MCTP2: variants seen among roughly 807,000 people sequenced by gnomAD.
MCTP2 encodes multiple C2 and transmembrane domain-containing protein 2.
In MCTP2, 132 loss-of-function variants were observed where a neutral mutation model predicts 111.6. The ratio of observed to expected loss-of-function variants is 1.18; its 90% CI spans 1.03 to 1.37. The LOEUF is 1.37. Among genes scored for constraint, MCTP2 ranks in the 40% most tolerant of loss-of-function variants. The pLI is 0.00. For synonymous variants in MCTP2, 395 were observed against 387.7 expected, an observed-to-expected ratio of 1.02 and a Z score of -0.22; for missense variants, 1,183 against 1,067.9, an observed-to-expected ratio of 1.11 and a Z score of -1.50.
intron 14 of MCTP2, among the ~76,000 whole-genome samples, chr15:94,390,938 C>T (rs932750623): frequency 2.0e-5 from 3 of 152,026 alleles, no homozygotes; most frequent in Non-Finnish European, 4.4e-5. Flanking sequence ...CCATGTTGGC[C>T]AGGCTGGTCT....
chr15:94,317,586 C>T (rs1233212278), intron 4 of MCTP2, among the ~76,000 whole-genome samples: 2 of 152,220 alleles, frequency 1.3e-5, no homozygotes, highest in Non-Finnish European at 2.9e-5. Flanking sequence ...CACTGGCCAT[C>T]TTACCTGCTG....
chr15:94,312,001 T>G (rs963605128), intron 2 of MCTP2, among the ~76,000 whole-genome samples: 2 of 152,308 alleles, frequency 1.3e-5, no homozygotes, highest in Middle Eastern at 3.4e-3. Flanking sequence ...ACATAACACT[T>G]TAATCAAAAG....
At chr15:94,282,896 G>C (rs1164722655) in intron 1 of MCTP2, among the ~76,000 whole-genome samples, 2 of 152,218 alleles carry the variant, frequency 1.3e-5, no homozygotes, top group African/African-American at 4.8e-5. Context: ...GCCCCTCAAG[G>C]TTAAGCACCT....
chr15:94,356,103 C>G, intron 8 of MCTP2, 34 bp from the exon 9 acceptor site: 2 of 1,439,410 alleles, frequency 1.4e-6, no homozygotes, highest in Admixed American at 2.3e-5. Flanking sequence ...GAATTAGAAG[C>G]AAGTTTACAT....
At chr15:94,393,884 T>G (rs1020996164) in intron 14 of MCTP2, among the ~76,000 whole-genome samples, 1 of 151,718 alleles carries the variant, frequency 6.6e-6, no homozygotes, top group Non-Finnish European at 1.5e-5. Flanking sequence ...ACCTTGTCTC[T>G]ACTAAAAATA....
chr15:94,425,045 G>T (rs912771262), intron 17 of MCTP2, among the ~76,000 whole-genome samples: 1 of 151,798 alleles, frequency 6.6e-6, no homozygotes, highest in Non-Finnish European at 1.5e-5. Flanking sequence ...CCTGTGGTTG[G>T]TGCATTTTGT....
At chr15:94,263,809 C>G (rs1462054701) in intron 1 of MCTP2, among the ~76,000 whole-genome samples, 2 of 152,194 alleles carry the variant, frequency 1.3e-5, no homozygotes, top group African/African-American at 4.8e-5. Context: ...CTGTGAATGA[C>G]CACAAAAGTG....
chr15:94,354,400 C>A (rs1367549935), intron 8 of MCTP2, among the ~76,000 whole-genome samples: 4 of 152,110 alleles, frequency 2.6e-5, no homozygotes, highest in Non-Finnish European at 4.4e-5. Context: ...GGGTGGTTTC[C>A]CCCATGCTGT....
intron 17 of MCTP2, chr15:94,403,335 C>T (rs1317250160): frequency 3.0e-5 from 22 of 745,536 alleles, no homozygotes; most frequent in African/African-American, 7.6e-5. Flanking sequence ...TGGCTTCATG[C>T]GTTGAGTTCC....
intron 14 of MCTP2, among the ~76,000 whole-genome samples, chr15:94,388,124 G>A (rs1567597176): frequency 6.6e-6 from 1 of 152,198 alleles, no homozygotes. Flanking sequence ...GGGAAACCAC[G>A]AAGAGTTTCA....
rs535083150 is a variant in MCTP2 at position 94,450,443 on chromosome 15, T to G, written c.2250+7483T>G. 2.0e-5 allele frequency among the ~76,000 whole-genome samples: 3 copies of G among 152,356 alleles called. No homozygotes were observed. The East Asian group carries it at 5.8e-4, about 29-fold the overall frequency. On this transcript the variant is annotated intron_variant, in intron 19 of 22. Transcript: ENST00000357742. ...TAAATGACAGCTCCTGGTGCATTGCTGGGATTCCCAAAGAATAATTTTTAA... is the reference window on the plus strand; with the variant it reads ...TAAATGACAGCTCCTGGTGCATTGCGGGGATTCCCAAAGAATAATTTTTAA...
At chr15:94,374,599 G>A (rs2079657074) in intron 12 of MCTP2, among the ~76,000 whole-genome samples, 1 of 152,140 alleles carries the variant, frequency 6.6e-6, no homozygotes, top group African/African-American at 2.4e-5. Flanking sequence ...CTACCTTCCT[G>A]TTACTTAAGC....
intron 2 of MCTP2, among the ~76,000 whole-genome samples, chr15:94,301,136 T>A (rs1043116300): frequency 6.6e-6 from 1 of 152,178 alleles, no homozygotes; most frequent in African/African-American, 2.4e-5. Flanking sequence ...AATCCTTTGC[T>A]CCTCTTTTTC....
chr15:94,351,514 A>T (rs1467154516), intron 8 of MCTP2, among the ~76,000 whole-genome samples: 1 of 152,012 alleles, frequency 6.6e-6, no homozygotes, highest in Non-Finnish European at 1.5e-5. Flanking sequence ...TTTTTAATGC[A>T]TTTGTTTCCA....
chr15:94,435,799 T>A (rs910792008), intron 17 of MCTP2, among the ~76,000 whole-genome samples: 1 of 145,286 alleles, frequency 6.9e-6, no homozygotes. Flanking sequence ...ACCCGGCTAA[T>A]TTTTTGTATT....
rs148480710 is a variant in MCTP2, at chr15:94,369,633, G to A, written c.1489-454G>A. Among the ~76,000 whole-genome samples the A allele has an allele frequency of 2.0e-5, 3 of 152,266 alleles. No homozygotes were observed. In the East Asian group the frequency reaches 5.8e-4, roughly 29 times the overall value. ...TTTCTGCCCCAACTCTCTTTAGAGT[G>A]GTGATAAGTATCTCTGATGGGTCCA... On this transcript the variant is annotated intron_variant, in intron 11 of 22. Transcript: ENST00000357742.
intron 1 of MCTP2, among the ~76,000 whole-genome samples, chr15:94,244,244 A>G (rs1386505618): frequency 8.6e-6 from 1 of 116,664 alleles, no homozygotes; most frequent in Non-Finnish European, 1.9e-5. Context: ...ATACACGTGT[A>G]TACACATATG....
intron 1 of MCTP2, among the ~76,000 whole-genome samples, chr15:94,256,643 AAG>A (rs1306204692): frequency 6.6e-6 from 1 of 152,174 alleles, no homozygotes; most frequent in Non-Finnish European, 1.5e-5. Flanking sequence ...TTCTGTGAGC[AAG>A]AGACTTAGAG....
In MCTP2 at chr15:94,298,675, G is replaced by C. The variant is rs1321439216; in HGVS notation, c.410G>C (p.Gly137Ala). 3 of 1,613,400 alleles carry C rather than the reference G, an allele frequency of 1.9e-6. No individual in the cohort carries two copies. The highest frequency in any genetic ancestry group is 2.5e-6 in the Non-Finnish European group (3 of 1,179,868). ...GAGCGGAGACGGGTGTCCAGCAACGGCATCTTTGATCTTCAGAAAACTTCC... is the reference window on the plus strand; with the variant it reads ...GAGCGGAGACGGGTGTCCAGCAACGCCATCTTTGATCTTCAGAAAACTTCC... Reference protein sequence around the residue: ...PAERRRVSSNGIFDLQKTSLG... With the variant: ...PAERRRVSSNAIFDLQKTSLG... Residue 137 changes from glycine to alanine, a missense_variant, in exon 2 of 23, where the codon GGC becomes GCC. Physicochemically the swap from Gly to Ala is moderately conservative, Grantham distance 60 (BLOSUM62 0). Transcript: ENST00000357742.
Sources: allele counts gnomAD v4.1 joint callset (sites outside exome capture counted in the v4.1 genomes callset), GRCh38; gene constraint gnomAD v4.1.1; transcripts MANE v1.5; gene names NCBI Gene and HGNC (gene_info 2026-07-23, HGNC 2026-07-21).